CNTNAP2: variants seen among roughly 807,000 people sequenced by gnomAD.
The protein encoded by CNTNAP2 is contactin associated protein 2, also known as contactin-associated protein-like 2.
Under a neutral mutation model 155.2 loss-of-function variants are expected in CNTNAP2, and 98 were observed. That is an observed-to-expected ratio of 0.63 (90% CI 0.54 to 0.75). The LOEUF (loss-of-function observed/expected upper bound fraction) is 0.75. CNTNAP2 is among the 30% of genes least tolerant of loss of function. CNTNAP2 has a pLI of 0.00. For missense variants in CNTNAP2, 1,727 were observed against 1,688.1 expected (o/e 1.02, Z -0.40); for synonymous variants, 651 against 631.2 (o/e 1.03, Z -0.47).
intron 8 of CNTNAP2, among the ~76,000 whole-genome samples, chr7:147,145,884 C>A (rs533720438): frequency 7.2e-5 from 11 of 152,246 alleles, no homozygotes; most frequent in African/African-American, 2.6e-4. Flanking sequence ...CCGGTACACA[C>A]TTTATGTACT....
At chr7:147,979,247 C>T (rs1801482805) in intron 15 of CNTNAP2, among the ~76,000 whole-genome samples, 1 of 152,124 alleles carries the variant, frequency 6.6e-6, no homozygotes, top group Non-Finnish European at 1.5e-5. Context: ...TTATCACGCA[C>T]TTATTGAACA....
At chr7:147,432,519 T>C (rs1292450663) in intron 10 of CNTNAP2, among the ~76,000 whole-genome samples, 2 of 152,230 alleles carry the variant, frequency 1.3e-5, no homozygotes, top group African/African-American at 4.8e-5. Context: ...ATTAGCTACA[T>C]GTTGTGAGTC....
At chr7:146,575,017 T>G (rs1563141197) in intron 1 of CNTNAP2, among the ~76,000 whole-genome samples, 2 of 152,216 alleles carry the variant, frequency 1.3e-5, no homozygotes. Context: ...TGTCAGAGAT[T>G]GATAAGTTTT....
intron 2 of CNTNAP2, among the ~76,000 whole-genome samples, chr7:146,837,317 T>C (rs1803637177): frequency 6.6e-6 from 1 of 152,096 alleles, no homozygotes; most frequent in East Asian, 1.9e-4. Context: ...AGTACAATGA[T>C]GTTTTCTTCT....
chr7:148,147,479 C>G lies in CNTNAP2; in HGVS notation c.2555-12C>G. On this transcript the variant is annotated splice_polypyrimidine_tract_variant and intron_variant, in intron 16 of 23. Transcript: ENST00000361727. ...AAAATACTCATGTTTTTCATGCTTT[C>G]TGCTCCTCCAGCTGCCACAGAAGTG... is the stretch of plus-strand genomic sequence containing the variant. 6.2e-7 allele frequency: 1 copy of G among 1,613,056 alleles called. No homozygotes were observed.
chr7:147,101,435 AG>A (rs1800650394), intron 4 of CNTNAP2, among the ~76,000 whole-genome samples: 1 of 152,124 alleles, frequency 6.6e-6, no homozygotes, highest in Non-Finnish European at 1.5e-5. Context: ...GGCAGTGTCT[AG>A]GGGTGTTGCA....
chr7:147,008,211 T>C (rs1314326726), intron 3 of CNTNAP2, among the ~76,000 whole-genome samples: 1 of 152,098 alleles, frequency 6.6e-6, no homozygotes, highest in Admixed American at 6.6e-5. Context: ...TTAATCCTGG[T>C]TATAAGCGTA....
At chr7:147,892,431 TGTTTCTGGAGAC>T (rs1376068278) in intron 13 of CNTNAP2, among the ~76,000 whole-genome samples, 2 of 152,210 alleles carry the variant, frequency 1.3e-5, no homozygotes, top group East Asian at 3.9e-4. Flanking sequence ...TAATCACACT[TGTTTCTGGAGAC>T]CATGGTGTAA....
chr7:147,911,354 A>G (rs1800063979), intron 14 of CNTNAP2, among the ~76,000 whole-genome samples: 1 of 152,184 alleles, frequency 6.6e-6, no homozygotes. Context: ...CACAGATGTT[A>G]CGGTCATTTG....
intron 1 of CNTNAP2, among the ~76,000 whole-genome samples, chr7:146,315,482 G>A (rs1800891612): frequency 6.6e-6 from 1 of 152,062 alleles, no homozygotes; most frequent in Non-Finnish European, 1.5e-5. Context: ...TACTCATTTG[G>A]GTGTATTTTC....
chr7:147,138,476 T>A (rs148990115), intron 8 of CNTNAP2, among the ~76,000 whole-genome samples: 1 of 152,026 alleles, frequency 6.6e-6, no homozygotes, highest in African/African-American at 2.4e-5. Flanking sequence ...GTCAATGGTA[T>A]GTTGCTCCTG....
At chr7:147,511,395 G>A (rs1584781489) in intron 11 of CNTNAP2, among the ~76,000 whole-genome samples, 3 of 150,556 alleles carry the variant, frequency 2.0e-5, no homozygotes, top group South Asian at 2.1e-4. Flanking sequence ...CTTTAAACAA[G>A]TTTTTTTCTT....
chr7:146,646,833 G>C (rs1799820028), intron 1 of CNTNAP2, among the ~76,000 whole-genome samples: 1 of 152,192 alleles, frequency 6.6e-6, no homozygotes, highest in Admixed American at 6.6e-5. Flanking sequence ...CAGAAAGAAG[G>C]TGTCAAGACA....
At chr7:147,239,738 A>G in intron 8 of CNTNAP2, among the ~76,000 whole-genome samples, 1 of 152,146 alleles carries the variant, frequency 6.6e-6, no homozygotes, top group Non-Finnish European at 1.5e-5. Flanking sequence ...ATTCTAAACT[A>G]TTCCTGCAAC....
At chr7:146,143,960 C>T (rs187075093) in intron 1 of CNTNAP2, among the ~76,000 whole-genome samples, 25 of 152,114 alleles carry the variant, frequency 1.6e-4, no homozygotes, top group Non-Finnish European at 3.1e-4. Context: ...ATGGGTTTCA[C>T]CATGTTGGCC....
At chr7:146,652,967 T>G (rs1046145676) in intron 1 of CNTNAP2, among the ~76,000 whole-genome samples, 11 of 152,144 alleles carry the variant, frequency 7.2e-5, no homozygotes, top group African/African-American at 2.4e-4. Flanking sequence ...AAAAAGCCTT[T>G]CCTTTTTAGT....
chr7:146,695,495 G>A (rs1563192152), intron 1 of CNTNAP2, among the ~76,000 whole-genome samples: 1 of 152,018 alleles, frequency 6.6e-6, no homozygotes. Flanking sequence ...GCTCACTGCA[G>A]CCTCTACCTC....
chr7:147,030,133 C>T (rs1413227372), intron 3 of CNTNAP2, among the ~76,000 whole-genome samples: 1 of 152,172 alleles, frequency 6.6e-6, no homozygotes, highest in Non-Finnish European at 1.5e-5. Flanking sequence ...CTATCTGCAT[C>T]AAAAGTGTTG....
chr7:146,603,217 C>A (rs1563152587), intron 1 of CNTNAP2, among the ~76,000 whole-genome samples: 1 of 151,222 alleles, frequency 6.6e-6, no homozygotes, highest in Admixed American at 6.6e-5. Flanking sequence ...TCGAGACCAT[C>A]CTGGCTAACA....
Sources: gnomAD v4.1 joint callset for allele counts (sites outside exome capture counted in the v4.1 genomes callset) on GRCh38, gnomAD v4.1.1 for gene constraint, MANE v1.5 for transcripts, NCBI Gene and HGNC (gene_info 2026-07-23, HGNC 2026-07-21) for gene names.